The following CLOCK variants were observed in gnomAD, a reference collection of about 807,000 sequenced individuals.
The protein encoded by CLOCK is clock circadian regulator.
Under a neutral mutation model 118.4 loss-of-function variants are expected in CLOCK, and 43 were observed. That is an observed-to-expected ratio of 0.36 (90% CI 0.28 to 0.47). The LOEUF is 0.47. CLOCK is among the 20% of genes least tolerant of loss of function. CLOCK has a pLI of 1.00. For missense variants in CLOCK, 846 were observed against 999.9 expected (o/e 0.85, Z 2.08); for synonymous variants, 326 against 339.2 (o/e 0.96, Z 0.43).
intron 3 of CLOCK, chr4:55,486,610 A>AC (rs1392207902): frequency 6.6e-6 from 1 of 151,864 alleles, no homozygotes; most frequent in Non-Finnish European, 1.5e-5. Flanking sequence ...AACTGTCATT[A>AC]GTCTATCCTT....
intron 8 of CLOCK, among the ~76,000 whole-genome samples, chr4:55,466,014 CAAAAT>C (rs1190713543): frequency 1.3e-5 from 2 of 151,942 alleles, no homozygotes; most frequent in Middle Eastern, 3.2e-3. Context: ...CTTCTACTGA[CAAAAT>C]AAAGAATCAA....
Position 55,442,637 on chromosome 4 carries a change from G to C in CLOCK, c.1903-3C>G. The C allele has an allele frequency of 2.5e-6, 4 of 1,612,008 alleles. No individual in the cohort carries two copies. The highest frequency in any genetic ancestry group is 3.4e-6 in the Non-Finnish European group (4 of 1,178,710). On this transcript the variant is annotated splice_polypyrimidine_tract_variant and splice_region_variant and intron_variant, in intron 20 of 22. Coordinates refer to ENST00000513440, the MANE Select transcript of CLOCK (RefSeq NM_004898.4). ...CCACTCAGTACATTTTGTTGACTCTGTTAAAAATAAAGAGATTTTATAGAC... is the reference window on the plus strand; with the variant it reads ...CCACTCAGTACATTTTGTTGACTCTCTTAAAAATAAAGAGATTTTATAGAC...
chr4:55,474,475 T>C (rs964262797), intron 7 of CLOCK, among the ~76,000 whole-genome samples: 1 of 152,170 alleles, frequency 6.6e-6, no homozygotes, highest in African/African-American at 2.4e-5. Context: ...GGTAAGATCA[T>C]TGATGAAGGT....
At chr4:55,511,829 C>T (rs765182774) in intron 1 of CLOCK, among the ~76,000 whole-genome samples, 4 of 152,004 alleles carry the variant, frequency 2.6e-5, no homozygotes, top group Non-Finnish European at 1.5e-5. Context: ...TTGCCTTTTC[C>T]AGAATGTCAT....
intron 1 of CLOCK, among the ~76,000 whole-genome samples, chr4:55,542,344 A>AAAT (rs530927235): frequency 6.6e-4 from 77 of 117,300 alleles, no homozygotes; most frequent in African/African-American, 2.3e-3. Context: ...ACTCTGTCTC[A>AAAT]AATAATAATA....
chr4:55,538,790 T>C (rs1165291562), intron 1 of CLOCK, among the ~76,000 whole-genome samples: 4 of 152,302 alleles, frequency 2.6e-5, no homozygotes, highest in Non-Finnish European at 4.4e-5. Flanking sequence ...AAAAGACACA[T>C]TATCCTCAGC....
At chr4:55,522,330 A>C (rs1406736890) in intron 1 of CLOCK, among the ~76,000 whole-genome samples, 3 of 152,108 alleles carry the variant, frequency 2.0e-5, no homozygotes, top group Non-Finnish European at 2.9e-5. Flanking sequence ...ATTTAATTTA[A>C]ATTTTTAATT....
At chr4:55,522,245 A>C (rs1729889876) in intron 1 of CLOCK, among the ~76,000 whole-genome samples, 1 of 152,204 alleles carries the variant, frequency 6.6e-6, no homozygotes, top group South Asian at 2.1e-4. Flanking sequence ...ACCTTAAAGG[A>C]AAACAAGCCA....
rs536782126 is a variant in CLOCK at position 55,427,986 on chromosome 4, G to C, written c.*7429C>G. On this transcript the variant is annotated 3_prime_UTR_variant, in exon 23 of 23. Coordinates refer to ENST00000513440, the MANE Select transcript of CLOCK (RefSeq NM_004898.4). ...ACAAGTTATGTGCCACATGAAGCAG[G>C]TGTTATTTTTTGAGAAATGCAGGTG... The C allele has an allele frequency of 6.6e-6, 1 of 152,176 alleles. No homozygotes were observed. Among genetic ancestry groups the C allele is most frequent in the Middle Eastern group, 3.2e-3 (1 of 316 alleles). 9.4% of individuals were successfully genotyped at this position (152,176 alleles called of 1,614,324 possible). A position where few individuals can be genotyped will look rare whatever the true frequency, so the allele number is the denominator to read the frequency against.
chr4:55,491,234 TAAAAAA>T (rs34441416), intron 2 of CLOCK, among the ~76,000 whole-genome samples: 1 of 44,342 alleles, frequency 2.3e-5, no homozygotes, highest in Non-Finnish European at 4.1e-5. Flanking sequence ...GCAGGTGTGC[TAAAAAA>T]AAAAAAAAAA....
chr4:55,479,114 T>A (rs1726740711), intron 5 of CLOCK, 151 bp from the exon 6 acceptor site: 1 of 600,200 alleles, frequency 1.7e-6, no homozygotes, highest in Non-Finnish European at 2.7e-6. Context: ...ACAGTTAATT[T>A]GGGCAATAAT....
intron 1 of CLOCK, among the ~76,000 whole-genome samples, chr4:55,518,228 G>A (rs1729641089): frequency 6.6e-6 from 1 of 152,096 alleles, no homozygotes. Context: ...GGCAGATAAG[G>A]AGACAAAGCA....
chr4:55,498,603 C>CTTA (rs56413931), intron 2 of CLOCK, among the ~76,000 whole-genome samples: 7,123 of 148,520 alleles, frequency 0.048, 577 homozygotes, highest in African/African-American at 0.16. Flanking sequence ...TATCTAGTTC[C>CTTA]TTATTATTAT....
At chr4:55,522,361 C>T (rs1392951806) in intron 1 of CLOCK, among the ~76,000 whole-genome samples, 1 of 151,444 alleles carries the variant, frequency 6.6e-6, no homozygotes, top group Non-Finnish European at 1.5e-5. Flanking sequence ...CCAAAATATC[C>T]CATAAACAAA....
intron 2 of CLOCK, among the ~76,000 whole-genome samples, chr4:55,491,461 A>G (rs76103783): frequency 0.028 from 4,281 of 152,048 alleles, 213 homozygotes; most frequent in African/African-American, 0.098. Context: ...TAGGAATAAG[A>G]GAAGACTCAA....
chr4:55,500,676 A>AGAGGCTTACTCCAT (rs1351415202), intron 2 of CLOCK, among the ~76,000 whole-genome samples: 2 of 152,150 alleles, frequency 1.3e-5, no homozygotes, highest in Admixed American at 1.3e-4. Context: ...TTCTAATCAG[A>AGAGGCTTACTCCAT]GAGGCTTACT....
intron 1 of CLOCK, chr4:55,545,469 T>C (rs1290026554): frequency 1.3e-5 from 2 of 152,226 alleles, no homozygotes; most frequent in African/African-American, 2.4e-5. Context: ...TTTGGGGGGA[T>C]CAGCGTTATA....
At chr4:55,439,736 A>C (rs112953418) in intron 21 of CLOCK, among the ~76,000 whole-genome samples, 2,572 of 152,252 alleles carry the variant, frequency 0.017, 73 homozygotes, top group African/African-American at 0.058. Context: ...ACATTATCCT[A>C]AGTAAAATAA....
intron 2 of CLOCK, among the ~76,000 whole-genome samples, chr4:55,491,856 A>C (rs2109953482): frequency 6.6e-6 from 1 of 152,328 alleles, no homozygotes; most frequent in African/African-American, 2.4e-5. Context: ...AGAATGATAA[A>C]ATAAAAAAAG....
Sources: allele counts gnomAD v4.1 joint callset (sites outside exome capture counted in the v4.1 genomes callset), GRCh38; gene constraint gnomAD v4.1.1; transcripts MANE v1.5; gene names NCBI Gene and HGNC (gene_info 2026-07-23, HGNC 2026-07-21).